The following GRIN2A variants were observed in gnomAD, a reference collection of about 807,000 sequenced individuals.
The protein encoded by GRIN2A is glutamate receptor ionotropic, NMDA 2A.
In GRIN2A, 22 loss-of-function variants were observed where a neutral mutation model predicts 113.4. The observed-to-expected ratio is 0.19, with a 90% CI of 0.14 to 0.28. The LOEUF (loss-of-function observed/expected upper bound fraction) is 0.28, where lower values mean the gene tolerates loss of function less well. Among genes scored for constraint, GRIN2A ranks in the 10% least tolerant of loss-of-function variants. The pLI is 1.00. For missense variants in GRIN2A, 1,502 were observed against 1,887.0 expected, an observed-to-expected ratio of 0.80 and a Z score of 3.78; for synonymous variants, 827 against 738.4, an observed-to-expected ratio of 1.12 and a Z score of -1.94.
At chr16:9,897,864 A>G (rs1177020903) in intron 3 of GRIN2A, among the ~76,000 whole-genome samples, 1 of 152,142 alleles carries the variant, frequency 6.6e-6, no homozygotes, top group Non-Finnish European at 1.5e-5. Context: ...GCTTAGTATT[A>G]TATTTCTAGT....
intron 2 of GRIN2A, among the ~76,000 whole-genome samples, chr16:10,054,507 A>C (rs2047412303): frequency 6.6e-6 from 1 of 152,206 alleles, no homozygotes; most frequent in African/African-American, 2.4e-5. Flanking sequence ...GATGTTGAAG[A>C]TGCCCACATC....
At chr16:10,098,677 G>C (rs1231362062) in intron 2 of GRIN2A, among the ~76,000 whole-genome samples, 1 of 152,162 alleles carries the variant, frequency 6.6e-6, no homozygotes, top group African/African-American at 2.4e-5. Context: ...TGGAACTGAA[G>C]ACTATTATTC....
intron 2 of GRIN2A, among the ~76,000 whole-genome samples, chr16:10,077,016 C>T (rs772259177): frequency 2.6e-5 from 4 of 152,222 alleles, no homozygotes; most frequent in African/African-American, 4.8e-5. Flanking sequence ...AGTGCAGAAC[C>T]TTTCCTGGCT....
At chr16:9,941,957 T>A (rs962397668) in intron 2 of GRIN2A, among the ~76,000 whole-genome samples, 7 of 152,204 alleles carry the variant, frequency 4.6e-5, no homozygotes, top group African/African-American at 1.7e-4. Context: ...CCTCAGGGTC[T>A]CGAGTTTTTA....
At chr16:9,816,491 A>C (rs8052950) in intron 10 of GRIN2A, among the ~76,000 whole-genome samples, 2 of 151,978 alleles carry the variant, frequency 1.3e-5, no homozygotes, top group Non-Finnish European at 2.9e-5. Flanking sequence ...GTACATGAAA[A>C]TCAATTAAAA....
At position 9,758,914 on chromosome 16, in the gene GRIN2A, T is replaced by G. The variant is rs1008885383; in HGVS notation, c.*4235A>C. ...TTTTGGAAGGAAAATTGCCTTTACA[T>G]AGAACCCTTCACTCATTAAATATCA... On this transcript the variant is annotated 3_prime_UTR_variant, in exon 13 of 13. Coordinates refer to ENST00000330684, the MANE Select transcript of GRIN2A (RefSeq NM_001134407.3). 4.5e-6 allele frequency: 1 copy of G among 220,850 alleles called. No homozygotes were observed. Among genetic ancestry groups the G allele is most frequent in the Admixed American group, 5.8e-5 (1 of 17,362 alleles). 13.7% of individuals were successfully genotyped at this position (220,850 alleles called of 1,614,324 possible). A position where few individuals can be genotyped will look rare whatever the true frequency, so the allele number is the denominator to read the frequency against.
chr16:10,121,218 A>G (rs1485899304), intron 2 of GRIN2A: 1 of 152,554 alleles, frequency 6.6e-6, no homozygotes, highest in Non-Finnish European at 1.5e-5. Context: ...AGACAGTTAC[A>G]TTGAGCTACA....
rs13329807 is a variant in GRIN2A at position 9,987,261 on chromosome 16, C to G, written c.415-48710G>C. 7.3e-3 allele frequency among the ~76,000 whole-genome samples: 1,115 copies of G among 152,312 alleles called. 18 individuals are homozygous for G. Among genetic ancestry groups the G allele is most frequent in the African/African-American group, 0.025 (1,033 of 41,558 alleles). On this transcript the variant is annotated intron_variant, in intron 2 of 12. Transcript: ENST00000330684. ...TCGCTAAATGATTTTAGGCATTAGG[C>G]CAATACAGATGGCCTAAAGACTTTT...
intron 3 of GRIN2A, among the ~76,000 whole-genome samples, chr16:9,912,177 GA>G (rs1042399152): frequency 6.6e-6 from 1 of 151,748 alleles, no homozygotes; most frequent in African/African-American, 2.4e-5. Flanking sequence ...GAAGAATGGG[GA>G]AAAAAAGGAA....
intron 3 of GRIN2A, among the ~76,000 whole-genome samples, chr16:9,910,661 C>T (rs774370597): frequency 1.3e-5 from 2 of 151,804 alleles, no homozygotes; most frequent in Non-Finnish European, 2.9e-5. Context: ...CCTCAGCCTC[C>T]TGAGTAGCTG....
rs1248618480 is a variant in GRIN2A, at chr16:9,993,018, C to T, written c.415-54467G>A. On this transcript the variant is annotated intron_variant, in intron 2 of 12. Transcript: ENST00000330684. ...ATCACTTGAGGTCAGGAGTTCAAGA[C>T]CAACCTGGCAAACATGGCAAAACCT... 1.3e-5 allele frequency among the ~76,000 whole-genome samples: 2 copies of T among 151,992 alleles called. 1 individual carries two copies. The highest frequency in any genetic ancestry group is 4.2e-4 in the South Asian group (2 of 4,806).
chr16:9,940,042 AAGAGAGAG>A (rs565915376), intron 2 of GRIN2A, among the ~76,000 whole-genome samples: 112 of 139,776 alleles, frequency 8.0e-4, no homozygotes, highest in African/African-American at 2.8e-3. Flanking sequence ...GAGAGAGAGA[AAGAGAGAG>A]AGAGAGAGAG....
chr16:9,798,076 T>C (rs1439099286), intron 11 of GRIN2A, among the ~76,000 whole-genome samples: 1 of 152,222 alleles, frequency 6.6e-6, no homozygotes, highest in Admixed American at 6.5e-5. Flanking sequence ...TAGAATACTT[T>C]TGTTTGTTAA....
intron 2 of GRIN2A, among the ~76,000 whole-genome samples, chr16:10,178,090 C>A (rs1388431808): frequency 6.6e-6 from 1 of 152,202 alleles, no homozygotes; most frequent in Non-Finnish European, 1.5e-5. Flanking sequence ...TCCAGTCTAT[C>A]ACTCCTTTAG....
chr16:9,763,501 A>G lies in GRIN2A; in HGVS notation c.4043T>C (p.Leu1348Pro). ...AGACTTGCTCCTCTTGCTGTCCTCCAGACCTTGGGGGAAAAGGGAGCTTTT... is the reference window on the plus strand; with the variant it reads ...AGACTTGCTCCTCTTGCTGTCCTCCGGACCTTGGGGGAAAAGGGAGCTTTT... ...GKKSSLFPQGLEDSKRSKSLL... is the reference protein window; with the variant it reads ...GKKSSLFPQGPEDSKRSKSLL... Residue 1348 changes from leucine (L) to proline (P), a missense_variant, in exon 13 of 13, where the codon CTG becomes CCG. Leu to Pro is a moderately conservative substitution (Grantham distance 98). This residue lies in a region of GRIN2A where 832 missense variants were observed against 789.7 expected (regional missense o/e 1.05). Transcript: ENST00000330684. 1 of 1,614,092 alleles carries G rather than the reference A, an allele frequency of 6.2e-7. No homozygotes were observed. The highest frequency in any genetic ancestry group is 8.5e-7 in the Non-Finnish European group (1 of 1,180,000).
intron 2 of GRIN2A, among the ~76,000 whole-genome samples, chr16:9,958,016 GA>G (rs1214571285): frequency 5.9e-5 from 9 of 152,184 alleles, no homozygotes; most frequent in Non-Finnish European, 2.9e-5. Flanking sequence ...CCAGGAAAGA[GA>G]GATAGTGATA....
chr16:10,022,381 T>C (rs911807387), intron 2 of GRIN2A, among the ~76,000 whole-genome samples: 1 of 152,052 alleles, frequency 6.6e-6, no homozygotes, highest in Non-Finnish European at 1.5e-5. Context: ...AACATCTTGC[T>C]GTTCCTCCAT....
intron 3 of GRIN2A, among the ~76,000 whole-genome samples, chr16:9,921,809 C>T (rs193001451): frequency 3.3e-5 from 5 of 152,282 alleles, no homozygotes; most frequent in Admixed American, 3.3e-4. Flanking sequence ...GGAAGCAATG[C>T]ACCTAGGTGT....
At chr16:10,042,184 T>C (rs760489738) in intron 2 of GRIN2A, among the ~76,000 whole-genome samples, 44 of 152,184 alleles carry the variant, frequency 2.9e-4, no homozygotes, top group Non-Finnish European at 4.4e-4. Flanking sequence ...TGCAAATTTT[T>C]CAATACTCCC....
Sources: allele counts gnomAD v4.1 joint callset (sites outside exome capture counted in the v4.1 genomes callset), GRCh38; gene constraint gnomAD v4.1.1; regional missense constraint gnomAD v4.1.1; transcripts MANE v1.5; gene names NCBI Gene and HGNC (gene_info 2026-07-23, HGNC 2026-07-21).